PPP2R3A: variants seen among roughly 807,000 people sequenced by gnomAD.
PPP2R3A encodes serine/threonine-protein phosphatase 2A regulatory subunit B'' subunit alpha.
A neutral mutation model predicts 106.9 loss-of-function variants in PPP2R3A; 80 were observed. The ratio of observed to expected loss-of-function variants is 0.75; its 90% confidence interval spans 0.62 to 0.90. The LOEUF (loss-of-function observed/expected upper bound fraction) is 0.90, where lower values mean the gene tolerates loss of function less well. Among genes scored for constraint, PPP2R3A ranks in the 40% least tolerant of loss-of-function variants. PPP2R3A has a pLI of 0.00. For missense variants in PPP2R3A, 1,386 were observed against 1,350.4 expected, an observed-to-expected ratio of 1.03 and a Z score of -0.41; for synonymous variants, 483 against 468.3, an observed-to-expected ratio of 1.03 and a Z score of -0.41.
chr3:136,115,714 C>T (rs1011908825), intron 13 of PPP2R3A, among the ~76,000 whole-genome samples: 7 of 151,542 alleles, frequency 4.6e-5, no homozygotes, highest in African/African-American at 1.5e-4. Flanking sequence ...TGAAAAGGAA[C>T]GAACAAAGTC....
In PPP2R3A at chr3:136,145,909, T is replaced by G. The variant is rs1216567673; in HGVS notation, c.*743T>G. The G allele has an allele frequency of 6.6e-6, 1 of 152,220 alleles. No individual in the cohort carries two copies. Among genetic ancestry groups the G allele is most frequent in the Non-Finnish European group, 1.5e-5 (1 of 68,034 alleles). 9.4% of individuals were successfully genotyped at this position (152,220 alleles called of 1,614,324 possible). A position where few individuals can be genotyped will look rare whatever the true frequency, so the allele number is the denominator to read the frequency against. ...CATACTTGGAAAAAGCCCTTTTAAC[T>G]TTTATCTTTTATTCATTGAACTATT... On this transcript the variant is annotated 3_prime_UTR_variant, in exon 14 of 14. Coordinates refer to ENST00000264977, the MANE Select transcript of PPP2R3A (RefSeq NM_002718.5).
rs138854105 is a variant in PPP2R3A, at chr3:136,002,082, C to T, written c.584C>T (p.Thr195Met). Reference protein sequence around the residue: ...KPLSHRNSLDTNLTSMFLQNF... With the variant: ...KPLSHRNSLDMNLTSMFLQNF... ...TTGTCTCATAGAAACTCACTGGATA[C>T]GAACCTGACTTCCATGTTTCTTCAA... is the stretch of plus-strand genomic sequence containing the variant. Residue 195 changes from threonine to methionine, a missense_variant, in exon 2 of 14, where the codon ACG (threonine) becomes ATG (methionine). Thr to Met is a moderately conservative substitution (Grantham distance 81). Transcript: ENST00000264977. 5.0e-6 allele frequency: 8 copies of T among 1,613,932 alleles called. No homozygotes were observed. The highest frequency in any genetic ancestry group is 4.4e-5 in the South Asian group (4 of 91,066).
intron 2 of PPP2R3A, among the ~76,000 whole-genome samples, chr3:136,020,964 G>C (rs1473889413): frequency 6.6e-6 from 1 of 152,030 alleles, no homozygotes; most frequent in Non-Finnish European, 1.5e-5. Flanking sequence ...TCATGAAATA[G>C]CTAAATTTTG....
chr3:136,061,876 G>A (rs370906870), intron 5 of PPP2R3A, among the ~76,000 whole-genome samples: 23 of 139,876 alleles, frequency 1.6e-4, no homozygotes, highest in African/African-American at 4.1e-4. Flanking sequence ...GCAGTGAGCC[G>A]AGATCACGCC....
chr3:135,999,941 C>T (rs1933555554), intron 1 of PPP2R3A, among the ~76,000 whole-genome samples: 1 of 151,902 alleles, frequency 6.6e-6, no homozygotes, highest in Admixed American at 6.6e-5. Flanking sequence ...CACATTGTCT[C>T]CTTGCTTTCT....
intron 12 of PPP2R3A, among the ~76,000 whole-genome samples, chr3:136,105,866 A>G (rs901193156): frequency 2.0e-5 from 3 of 152,156 alleles, no homozygotes; most frequent in Admixed American, 2.0e-4. Flanking sequence ...AGGCTGAGGC[A>G]GGAGAATTGC....
At chr3:136,094,160 T>C (rs1176227640) in intron 10 of PPP2R3A, among the ~76,000 whole-genome samples, 1 of 152,168 alleles carries the variant, frequency 6.6e-6, no homozygotes, top group Non-Finnish European at 1.5e-5. Flanking sequence ...TTGTCCAGAA[T>C]AGACAAATGT....
rs763828274 is a variant in PPP2R3A at position 136,001,694 on chromosome 3, G to A, written c.196G>A (p.Ala66Thr). Residue 66 changes from alanine (A) to threonine (T), a missense_variant, in exon 2 of 14, where the codon GCA becomes ACA. Ala to Thr is a moderately conservative substitution (Grantham distance 58). Transcript: ENST00000264977. ...CATCCCTGTGTCTCAGTTCAAAGAT[G>A]CAGATCTGAACTCTATGTTTCTACC... ...LHIPVSQFKDADLNSMFLPHE... is the reference protein window; with the variant it reads ...LHIPVSQFKDTDLNSMFLPHE... 4 of 1,614,116 alleles carry A rather than the reference G, an allele frequency of 2.5e-6. No individual in the cohort carries two copies. Among genetic ancestry groups the A allele is most frequent in the Non-Finnish European group, 3.4e-6 (4 of 1,180,016 alleles).
intron 2 of PPP2R3A, among the ~76,000 whole-genome samples, chr3:136,004,717 A>G (rs1034979763): frequency 2.0e-5 from 3 of 152,168 alleles, no homozygotes; most frequent in Non-Finnish European, 2.9e-5. Context: ...ACAAAATCCA[A>G]TGTTAATGGT....
intron 2 of PPP2R3A, among the ~76,000 whole-genome samples, chr3:136,006,921 T>C (rs1229741516): frequency 1.3e-5 from 2 of 152,268 alleles, no homozygotes; most frequent in Non-Finnish European, 1.5e-5. Flanking sequence ...GCTCTGCTTA[T>C]ATTATTATGA....
intron 3 of PPP2R3A, among the ~76,000 whole-genome samples, chr3:136,030,845 C>T (rs960297863): frequency 2.0e-5 from 3 of 150,146 alleles, no homozygotes; most frequent in East Asian, 1.9e-4. Flanking sequence ...CACACACACA[C>T]ATGCCCCAGT....
At chr3:136,027,151 C>A in intron 3 of PPP2R3A, 53 bp downstream of exon 3, 3 of 1,492,722 alleles carry the variant, frequency 2.0e-6, no homozygotes, top group Non-Finnish European at 2.7e-6. Context: ...AAACCCTGAT[C>A]CCCTCCCCTT....
In PPP2R3A at chr3:136,049,318, A is replaced by T; in HGVS notation, c.2426A>T (p.Asn809Ile). ...TTCATCTGTCTTCTAGCAAAGCCCAACTGCAGCTCTCTAGAACAGGAGGAT... is the reference window on the plus strand; with the variant it reads ...TTCATCTGTCTTCTAGCAAAGCCCATCTGCAGCTCTCTAGAACAGGAGGAT... The part of the protein sequence containing the change: ...SKFICLLAKP[N>I]CSSLEQEDFI... The change falls in exon 5 of 14, where the codon AAC (asparagine) becomes ATC (isoleucine). Residue 809 changes from asparagine to isoleucine, a missense_variant. Transcript: ENST00000264977. 3 of 1,613,792 alleles carry T rather than the reference A, an allele frequency of 1.9e-6. No individual in the cohort carries two copies. Among genetic ancestry groups the T allele is most frequent in the Non-Finnish European group, 2.5e-6 (3 of 1,179,852 alleles).
At chr3:136,139,159 C>T (rs1938748634) in intron 13 of PPP2R3A, among the ~76,000 whole-genome samples, 1 of 152,164 alleles carries the variant, frequency 6.6e-6, no homozygotes, top group Non-Finnish European at 1.5e-5. Flanking sequence ...TCCCAGACAA[C>T]ACCCTGAAAC....
chr3:136,125,188 C>T (rs1030143294), intron 13 of PPP2R3A, among the ~76,000 whole-genome samples: 13 of 152,060 alleles, frequency 8.5e-5, no homozygotes, highest in African/African-American at 2.9e-4. Context: ...GGCATGGTAG[C>T]GCATGCCTGT....
chr3:136,094,878 A>C (rs562969325), intron 10 of PPP2R3A, among the ~76,000 whole-genome samples: 27 of 152,342 alleles, frequency 1.8e-4, no homozygotes, highest in African/African-American at 6.3e-4. Flanking sequence ...CTCATTTTAT[A>C]AACAAAACCA....
intron 2 of PPP2R3A, among the ~76,000 whole-genome samples, chr3:136,021,685 A>G (rs1392889585): frequency 2.0e-5 from 3 of 152,178 alleles, no homozygotes; most frequent in Non-Finnish European, 4.4e-5. Flanking sequence ...GATTGAAAAT[A>G]AATATTGAAA....
intron 5 of PPP2R3A, among the ~76,000 whole-genome samples, chr3:136,054,049 G>A (rs1178804125): frequency 6.6e-6 from 1 of 151,920 alleles, no homozygotes; most frequent in Non-Finnish European, 1.5e-5. Flanking sequence ...TTTTTTGGGG[G>A]GGAAATAAAC....
At chr3:136,131,245 G>A (rs1449458408) in intron 13 of PPP2R3A, among the ~76,000 whole-genome samples, 1 of 151,982 alleles carries the variant, frequency 6.6e-6, no homozygotes, top group East Asian at 1.9e-4. Context: ...CAGAATGGGA[G>A]AAAATTTTTG....
Sources: gnomAD v4.1 joint callset for allele counts (sites outside exome capture counted in the v4.1 genomes callset) on GRCh38, gnomAD v4.1.1 for gene constraint, MANE v1.5 for transcripts, NCBI Gene and HGNC (gene_info 2026-07-23, HGNC 2026-07-21) for gene names.